The following DACH1 variants were observed in gnomAD, a reference collection of about 807,000 sequenced individuals.
DACH1 encodes the protein dachshund homolog 1.
In DACH1, 12 loss-of-function variants were observed where a neutral mutation model predicts 54.2. The observed-to-expected ratio is 0.22, with a 90% CI of 0.14 to 0.36. The LOEUF (loss-of-function observed/expected upper bound fraction) is 0.36. Ranked by LOEUF, DACH1 falls within the 10% of genes least tolerant of loss-of-function variation. The pLI, the probability that DACH1 is intolerant of heterozygous loss-of-function variation, is 1.00. For missense variants in DACH1, 805 were observed against 929.8 expected (o/e 0.87, Z 1.75); for synonymous variants, 386 against 366.2 (o/e 1.05, Z -0.62).
intron 2 of DACH1, among the ~76,000 whole-genome samples, chr13:71,637,320 T>G (rs536003366): frequency 6.6e-6 from 1 of 152,246 alleles, no homozygotes; most frequent in African/African-American, 2.4e-5. Context: ...GCCCTCCCCC[T>G]CCATAAATGC....
chr13:71,627,287 G>C (rs1876718627), intron 3 of DACH1, among the ~76,000 whole-genome samples: 1 of 150,812 alleles, frequency 6.6e-6, no homozygotes. Flanking sequence ...TCTGTTATCT[G>C]GGGCTTTAAG....
chr13:71,771,879 A>G (rs978626068), intron 1 of DACH1, among the ~76,000 whole-genome samples: 30 of 151,436 alleles, frequency 2.0e-4, no homozygotes, highest in East Asian at 9.6e-4. Flanking sequence ...TTTATGGTTG[A>G]AGATGAGTAA....
chr13:71,570,664 T>C (rs1389023517), intron 4 of DACH1, among the ~76,000 whole-genome samples: 1 of 152,142 alleles, frequency 6.6e-6, no homozygotes, highest in East Asian at 1.9e-4. Flanking sequence ...TCTTAAAACA[T>C]AAAACGACCT....
At chr13:71,471,370 C>A (rs1877055361) in intron 10 of DACH1, among the ~76,000 whole-genome samples, 1 of 151,708 alleles carries the variant, frequency 6.6e-6, no homozygotes, top group South Asian at 2.1e-4. Context: ...CTCTGTGAGT[C>A]GACCAAATAA....
chr13:71,683,962 A>G (rs1373853353), intron 1 of DACH1, among the ~76,000 whole-genome samples: 1 of 152,044 alleles, frequency 6.6e-6, no homozygotes, highest in Non-Finnish European at 1.5e-5. Flanking sequence ...TCCCATTAAT[A>G]CCTATTTTGC....
rs533809530 is a variant in DACH1, at chr13:71,735,341, TACGTGTATATGG to T, written c.849-53443_849-53432del. On this transcript the variant is annotated intron_variant, in intron 1 of 10. Coordinates refer to ENST00000613252, the MANE Select transcript of DACH1 (RefSeq NM_080759.6). ...ATGGGATATACACGTATACGGGATA[TACGTGTATATGG>T]GATATACACGTATACGGGATATACG... 4.3e-5 allele frequency among the ~76,000 whole-genome samples: 2 copies of T among 46,160 alleles called. 1 individual carries two copies. Among genetic ancestry groups the T allele is most frequent in the Non-Finnish European group, 1.8e-4 (2 of 10,976 alleles). 30.3% of individuals were successfully genotyped at this position (46,160 alleles called of 152,430 possible). A position where few individuals can be genotyped will look rare whatever the true frequency, so the allele number is the denominator to read the frequency against.
At chr13:71,696,402 A>T (rs1427413063) in intron 1 of DACH1, among the ~76,000 whole-genome samples, 1 of 152,194 alleles carries the variant, frequency 6.6e-6, no homozygotes, top group Non-Finnish European at 1.5e-5. Context: ...AAGTAACTTG[A>T]ATAAATCACA....
intron 1 of DACH1, among the ~76,000 whole-genome samples, chr13:71,753,402 C>A (rs1885007008): frequency 6.6e-6 from 1 of 152,152 alleles, no homozygotes; most frequent in South Asian, 2.1e-4. Context: ...TCACAGATTC[C>A]TTAAAAGGTT....
Position 71,630,560 on chromosome 13 carries a change from A to G in DACH1, c.1122T>C (p.Ser374=). ...TTCAGCGAACATAAAACTTACCGAC[A>G]CTTGAATTCATGTCCCCGTTTTCAG... ...ADSENGDMNS[S]VGLELPFMMM... Residue 374 remains serine, a synonymous_variant, in exon 3 of 11, where the codon AGT becomes AGC. Coordinates refer to ENST00000613252, the MANE Select transcript of DACH1 (RefSeq NM_080759.6). The G allele has an allele frequency of 7.6e-6, 12 of 1,586,436 alleles. No homozygotes were observed. Among genetic ancestry groups the G allele is most frequent in the Non-Finnish European group, 9.4e-6 (11 of 1,171,348 alleles).
Position 71,782,049 on chromosome 13 carries a change from A to G in DACH1, c.848+83873T>C, listed in dbSNP as rs141765911. ...TCTCCAAAGCTGTAACTATCTCATC[A>G]TCCTACAGACCCTTAAGTTTCAGGC... On this transcript the variant is annotated intron_variant, in intron 1 of 10. Transcript: ENST00000613252. Among the ~76,000 whole-genome samples the G allele has an allele frequency of 5.5e-3, 842 of 152,292 alleles. 11 individuals carry two copies. Among genetic ancestry groups the G allele is most frequent in the African/African-American group, 0.019 (786 of 41,542 alleles).
intron 1 of DACH1, among the ~76,000 whole-genome samples, chr13:71,766,254 C>A (rs968598752): frequency 6.6e-6 from 1 of 152,074 alleles, no homozygotes; most frequent in African/African-American, 2.4e-5. Flanking sequence ...CCATCTGTAC[C>A]CTCTTCTCTT....
Position 71,866,178 on chromosome 13 carries a change from C to G in DACH1, c.592G>C (p.Val198Leu). Residue 198 changes from valine (V) to leucine (L), a missense_variant, in exon 1 of 11, where the codon GTG becomes CTG. By Grantham distance (32) the Val-to-Leu change is conservative (BLOSUM62 1). Coordinates refer to ENST00000613252, the MANE Select transcript of DACH1 (RefSeq NM_080759.6). ...CKMVDLRGAKVASFTVEGCEL... is the reference protein window; with the variant it reads ...CKMVDLRGAKLASFTVEGCEL... ...CAGCCCTCCACCGTGAAGGAAGCCA[C>G]TTTGGCCCCCCTCAGATCCACCATT... 1 of 1,613,034 alleles carries G rather than the reference C, an allele frequency of 6.2e-7. No homozygotes were observed. The highest frequency in any genetic ancestry group is 8.5e-7 in the Non-Finnish European group (1 of 1,179,492).
intron 10 of DACH1, among the ~76,000 whole-genome samples, chr13:71,453,999 A>G (rs1027440762): frequency 7.2e-5 from 11 of 152,150 alleles, no homozygotes; most frequent in African/African-American, 2.7e-4. Context: ...TGCACTAAAA[A>G]CACAGAAGAG....
intron 10 of DACH1, among the ~76,000 whole-genome samples, chr13:71,456,959 T>C (rs1420035974): frequency 1.3e-5 from 2 of 152,058 alleles, no homozygotes; most frequent in Non-Finnish European, 2.9e-5. Flanking sequence ...TAAGAGATCA[T>C]GATGTTCCTA....
At chr13:71,721,165 T>C (rs1044610416) in intron 1 of DACH1, among the ~76,000 whole-genome samples, 3 of 152,194 alleles carry the variant, frequency 2.0e-5, no homozygotes, top group African/African-American at 7.2e-5. Flanking sequence ...TGTTCAGATA[T>C]TGAGCCTGAT....
intron 4 of DACH1, among the ~76,000 whole-genome samples, chr13:71,572,421 T>C (rs1057379680): frequency 2.0e-5 from 3 of 152,186 alleles, no homozygotes; most frequent in African/African-American, 7.2e-5. Context: ...CACTGGATTA[T>C]GCCTTTATTA....
intron 2 of DACH1, chr13:71,674,991 A>C (rs1321527958): frequency 4.3e-6 from 3 of 704,994 alleles, no homozygotes; most frequent in Middle Eastern, 3.5e-4. Context: ...GTCGCTCTCC[A>C]ACGCCAGCGC....
intron 2 of DACH1, 126 bp downstream of exon 2, chr13:71,681,669 C>T: frequency 9.5e-6 from 5 of 525,402 alleles, no homozygotes. Context: ...ATCTCAGTAA[C>T]ATTATCTTAG....
intron 6 of DACH1, among the ~76,000 whole-genome samples, chr13:71,513,166 G>A (rs1880909226): frequency 6.6e-6 from 1 of 151,836 alleles, no homozygotes; most frequent in Non-Finnish European, 1.5e-5. Context: ...TTCCATTAAT[G>A]TGCTGAAATC....
Sources: allele counts gnomAD v4.1 joint callset (sites outside exome capture counted in the v4.1 genomes callset), GRCh38; gene constraint gnomAD v4.1.1; transcripts MANE v1.5; gene names NCBI Gene and HGNC (gene_info 2026-07-23, HGNC 2026-07-21).